LRRC4C: variants seen among roughly 807,000 people sequenced by gnomAD.
LRRC4C encodes the protein leucine-rich repeat-containing protein 4C.
A neutral mutation model predicts 33.6 loss-of-function variants in LRRC4C; 5 were observed. That is an observed-to-expected ratio of 0.15 (90% CI 0.08 to 0.31). The LOEUF (loss-of-function observed/expected upper bound fraction) is 0.31, where lower values mean the gene tolerates loss of function less well. Among genes scored for constraint, LRRC4C ranks in the 10% least tolerant of loss-of-function variants. LRRC4C has a pLI of 1.00. For synonymous variants in LRRC4C, 329 were observed against 302.0 expected (o/e 1.09, Z -0.93); for missense variants, 560 against 796.7 (o/e 0.70, Z 3.58).
chr11:40,978,794 T>A (rs1051207780), intron 1 of LRRC4C, among the ~76,000 whole-genome samples: 3 of 151,906 alleles, frequency 2.0e-5, no homozygotes, highest in Non-Finnish European at 4.4e-5. Flanking sequence ...GCTATTTTTT[T>A]TTTCTTTTTG....
At chr11:40,239,390 A>G (rs1469406587) in intron 5 of LRRC4C, among the ~76,000 whole-genome samples, 1 of 152,158 alleles carries the variant, frequency 6.6e-6, no homozygotes, top group African/African-American at 2.4e-5. Flanking sequence ...TAACCAGTGT[A>G]TGTTTGTTAA....
intron 1 of LRRC4C, among the ~76,000 whole-genome samples, chr11:41,113,176 T>C (rs907320461): frequency 6.6e-6 from 1 of 151,444 alleles, no homozygotes; most frequent in African/African-American, 2.4e-5. Context: ...TAAGTCAGTA[T>C]TTTTTTTTCT....
At chr11:40,849,772 C>T (rs533280483) in intron 2 of LRRC4C, among the ~76,000 whole-genome samples, 209 of 152,114 alleles carry the variant, frequency 1.4e-3, no homozygotes, top group South Asian at 0.012. Context: ...TTCAGGTATA[C>T]CAATCAAACA....
At chr11:40,652,702 T>C (rs1443044080) in intron 2 of LRRC4C, among the ~76,000 whole-genome samples, 1 of 152,210 alleles carries the variant, frequency 6.6e-6, no homozygotes, top group Non-Finnish European at 1.5e-5. Flanking sequence ...TGCATCTTTC[T>C]ACTTATCTGA....
intron 1 of LRRC4C, among the ~76,000 whole-genome samples, chr11:41,422,899 C>T (rs1243122438): frequency 6.6e-6 from 1 of 151,926 alleles, no homozygotes; most frequent in Non-Finnish European, 1.5e-5. Context: ...AGAATAAATG[C>T]CAGTGGGTGA....
chr11:40,578,139 C>T (rs992427845), intron 3 of LRRC4C, among the ~76,000 whole-genome samples: 72 of 6,132 alleles, frequency 0.012, 17 homozygotes, highest in Middle Eastern at 0.17. Flanking sequence ...TTTTTTTTTT[C>T]GGTTTTTTTT....
At chr11:40,975,573 C>T (rs1251647812) in intron 1 of LRRC4C, among the ~76,000 whole-genome samples, 1 of 152,198 alleles carries the variant, frequency 6.6e-6, no homozygotes, top group Non-Finnish European at 1.5e-5. Context: ...CGTTATCTTG[C>T]ATTGTGTTGT....
At chr11:40,408,586 A>C (rs1950044193) in intron 3 of LRRC4C, among the ~76,000 whole-genome samples, 2 of 152,000 alleles carry the variant, frequency 1.3e-5, no homozygotes, top group African/African-American at 4.8e-5. Context: ...TAAATGCAGA[A>C]TAAGGTCTAG....
intron 2 of LRRC4C, among the ~76,000 whole-genome samples, chr11:40,875,367 T>A (rs546119367): frequency 6.6e-6 from 1 of 152,290 alleles, no homozygotes; most frequent in African/African-American, 2.4e-5. Context: ...GAAAGCAGAA[T>A]GTATGTTGTA....
chr11:40,402,230 C>T (rs1370026625), intron 3 of LRRC4C, among the ~76,000 whole-genome samples: 2 of 152,232 alleles, frequency 1.3e-5, no homozygotes, highest in South Asian at 2.1e-4. Flanking sequence ...ATGTTTGTCT[C>T]CATTTGCCAT....
At chr11:40,358,106 C>T (rs11821537) in intron 3 of LRRC4C, among the ~76,000 whole-genome samples, 30,311 of 151,862 alleles carry the variant, frequency 0.2, 3,296 homozygotes, top group East Asian at 0.29. Flanking sequence ...TTGTTTGAAC[C>T]CGGGAGGCAG....
intron 1 of LRRC4C, among the ~76,000 whole-genome samples, chr11:41,192,825 G>T (rs1226163614): frequency 2.6e-5 from 4 of 152,172 alleles, no homozygotes; most frequent in African/African-American, 9.6e-5. Flanking sequence ...TTTAGAAAAG[G>T]TTTTGCTTAA....
At chr11:40,164,615 T>C (rs142130136) in intron 5 of LRRC4C, among the ~76,000 whole-genome samples, 52 of 152,248 alleles carry the variant, frequency 3.4e-4, no homozygotes, top group African/African-American at 1.2e-3. Context: ...GAAAGACAAA[T>C]ATTCCATGTT....
At chr11:40,706,917 G>T (rs558804483) in intron 2 of LRRC4C, among the ~76,000 whole-genome samples, 4 of 152,202 alleles carry the variant, frequency 2.6e-5, no homozygotes, top group African/African-American at 4.8e-5. Flanking sequence ...TCCTTGAAGA[G>T]GTCCTTCACT....
At chr11:41,342,619 G>C (rs1365597075) in intron 1 of LRRC4C, among the ~76,000 whole-genome samples, 1 of 152,142 alleles carries the variant, frequency 6.6e-6, no homozygotes, top group Non-Finnish European at 1.5e-5. Flanking sequence ...GGAGGCTTAG[G>C]TAGGAGAATC....
At chr11:40,573,542 GA>G (rs1410077754) in intron 3 of LRRC4C, among the ~76,000 whole-genome samples, 1 of 152,020 alleles carries the variant, frequency 6.6e-6, no homozygotes, top group Non-Finnish European at 1.5e-5. Context: ...GACACCACAT[GA>G]AAACCTTTTC....
At chr11:40,489,456 C>T (rs1277639516) in intron 3 of LRRC4C, among the ~76,000 whole-genome samples, 1 of 152,086 alleles carries the variant, frequency 6.6e-6, no homozygotes, top group Non-Finnish European at 1.5e-5. Flanking sequence ...AGGCCTATTT[C>T]TCATGTAATC....
intron 1 of LRRC4C, among the ~76,000 whole-genome samples, chr11:41,257,712 G>A (rs1319213957): frequency 6.6e-6 from 1 of 152,066 alleles, no homozygotes; most frequent in Non-Finnish European, 1.5e-5. Flanking sequence ...GAGACAATAA[G>A]ATGTAGGCCG....
intron 1 of LRRC4C, among the ~76,000 whole-genome samples, chr11:41,306,817 C>A (rs1282937275): frequency 6.6e-6 from 1 of 152,114 alleles, no homozygotes; most frequent in Non-Finnish European, 1.5e-5. Context: ...GCATATCATG[C>A]ACTTATTAAG....
Sources: allele counts gnomAD v4.1 joint callset (sites outside exome capture counted in the v4.1 genomes callset), GRCh38; gene constraint gnomAD v4.1.1; transcripts MANE v1.5; gene names NCBI Gene and HGNC (gene_info 2026-07-23, HGNC 2026-07-21).